SLC29A2: variants seen among roughly 807,000 people sequenced by gnomAD.
SLC29A2 encodes equilibrative nucleoside transporter 2.
A neutral mutation model predicts 48.8 loss-of-function variants in SLC29A2; 37 were observed. The observed-to-expected ratio is 0.76, with a 90% confidence interval of 0.58 to 1.00. SLC29A2 has a LOEUF of 1.00. Among genes scored for constraint, SLC29A2 ranks in the 50% least tolerant of loss-of-function variants. The pLI is 0.00. For missense variants in SLC29A2, 533 were observed against 578.6 expected, an observed-to-expected ratio of 0.92 and a Z score of 0.81; for synonymous variants, 233 against 261.7, an observed-to-expected ratio of 0.89 and a Z score of 1.06.
chr11:66,371,228 C>A lies in SLC29A2; in HGVS notation c.111+16G>T. On this transcript the variant is annotated intron_variant, in intron 2 of 11. Transcript: ENST00000357440. Reference sequence around the variant, plus strand: ...TGGCTGTGGCCACGAGGCTGCCACGCCGCCAGGAGTCTCACCGGGATGGCG... The same window carrying A: ...TGGCTGTGGCCACGAGGCTGCCACGACGCCAGGAGTCTCACCGGGATGGCG... 1 of 1,612,054 alleles carries A rather than the reference C, an allele frequency of 6.2e-7. No homozygotes were observed. The highest frequency in any genetic ancestry group is 8.5e-7 in the Non-Finnish European group (1 of 1,178,656).
At position 66,366,579 on chromosome 11, in the gene SLC29A2, G is replaced by A; in HGVS notation, c.734-15C>T. 2 of 1,612,716 alleles carry A rather than the reference G, an allele frequency of 1.2e-6. No individual in the cohort carries two copies. The highest frequency in any genetic ancestry group is 1.7e-6 in the Non-Finnish European group (2 of 1,179,798). On this transcript the variant is annotated splice_polypyrimidine_tract_variant and intron_variant, in intron 7 of 11. Transcript: ENST00000357440. ...CCCGTTCTCATCTGGGGTGAGGGGG[G>A]ACGGGGAAGGGTCATGCTTGTGACC...
chr11:66,367,532 T>G lies in SLC29A2; in HGVS notation c.665A>C (p.Tyr222Ser). The change falls in exon 7 of 12, where the codon TAC becomes TCC. Residue 222 changes from tyrosine to serine, a missense_variant. Coordinates refer to ENST00000357440, the MANE Select transcript of SLC29A2 (RefSeq NM_001532.3). ...SLPHLKFARY[Y>S]LANKSSQAQA... ...GGCCTGGGATGATTTATTGGCCAGG[T>G]AGTAGCGGGCAAACTTCTGCAGAAG... is the stretch of plus-strand genomic sequence containing the variant. The G allele has an allele frequency of 1.2e-6, 2 of 1,614,128 alleles. No homozygotes were observed. Among genetic ancestry groups the G allele is most frequent in the Non-Finnish European group, 1.7e-6 (2 of 1,180,004 alleles).
rs751502040 is a variant in SLC29A2, at chr11:66,364,243, G to A, written c.1241C>T (p.Thr414Ile). The A allele has an allele frequency of 5.0e-6, 8 of 1,612,606 alleles. 1 individual carries two copies. In the South Asian group the frequency reaches 6.6e-5, roughly 13 times the overall value. ...CCCGGACCTGGGCGCCAGGCACATG[G>A]TGAGGGACACCAGGTAGCCATTAGA... is the stretch of plus-strand genomic sequence containing the variant. ...AVSNGYLVSL[T>I]MCLAPRQVLP... The change falls in exon 11 of 12, where the codon ACC becomes ATC. Residue 414 changes from threonine to isoleucine, a missense_variant. Coordinates refer to ENST00000357440, the MANE Select transcript of SLC29A2 (RefSeq NM_001532.3).
intron 7 of SLC29A2, among the ~76,000 whole-genome samples, chr11:66,366,908 A>G (rs915918816): frequency 2.0e-5 from 3 of 152,176 alleles, no homozygotes; most frequent in Non-Finnish European, 4.4e-5. Flanking sequence ...ATAGCACTGC[A>G]GTGCAGCCTA....
At chr11:66,369,662 C>A in intron 2 of SLC29A2, 130 bp from the exon 3 acceptor site, 1 of 1,077,490 alleles carries the variant, frequency 9.3e-7, no homozygotes, top group Non-Finnish European at 1.4e-6. Context: ...TTCCCAGCAG[C>A]CGGCACACAG....
chr11:66,363,966 A>G (rs1855515891), intron 11 of SLC29A2, among the ~76,000 whole-genome samples: 1 of 151,670 alleles, frequency 6.6e-6, no homozygotes, highest in Non-Finnish European at 1.5e-5. Context: ...TTTTTTACAG[A>G]TGGGGAAACT....
In SLC29A2 at chr11:66,363,398, G is replaced by A. The variant is rs765488621; in HGVS notation, c.*38C>T. Reference sequence around the variant, plus strand: ...CTGGATCTCAGCTCCGGAAGGAGACGTCGAGAAGAGGCTGCCAAAGAGCCT... The same window carrying A: ...CTGGATCTCAGCTCCGGAAGGAGACATCGAGAAGAGGCTGCCAAAGAGCCT... On this transcript the variant is annotated 3_prime_UTR_variant, in exon 12 of 12. Transcript: ENST00000357440. 35 of 1,501,204 alleles carry A rather than the reference G, an allele frequency of 2.3e-5. No individual in the cohort carries two copies. The East Asian group carries it at 2.7e-4, about 12-fold the overall frequency. The allele number at this position is 1,501,204 out of a possible 1,614,324, so 93.0% of individuals were successfully genotyped here.
At chr11:66,370,469 A>G (rs938847511) in intron 2 of SLC29A2, among the ~76,000 whole-genome samples, 2 of 152,212 alleles carry the variant, frequency 1.3e-5, no homozygotes, top group African/African-American at 2.4e-5. Context: ...CCCAAAGACA[A>G]TGCAAACCCC....
At chr11:66,372,402 C>A (rs1856109173), upstream of SLC29A2, among the ~76,000 whole-genome samples, 1 of 152,238 alleles carries the variant, frequency 6.6e-6, no homozygotes. Context: ...AATCCCCGGG[C>A]GTATCGGGGA....
intron 1 of SLC29A2, 26 bp downstream of exon 1, chr11:66,371,537 C>T: frequency 6.5e-7 from 1 of 1,550,192 alleles, no homozygotes. Context: ...CCCCCGGCCA[C>T]TTGCAACGCA....
Position 66,368,012 on chromosome 11 carries a change from G to A in SLC29A2, c.551-143C>T, listed in dbSNP as rs375165097. On this transcript the variant is annotated intron_variant, in intron 5 of 11. Coordinates refer to ENST00000357440, the MANE Select transcript of SLC29A2 (RefSeq NM_001532.3). ...CGCTCCTCCCTTCACTGACAAATGG[G>A]AATCTTGTACAGGGCCCCAGAGCAG... The A allele has an allele frequency of 1.9e-4, 135 of 724,836 alleles. No individual in the cohort carries two copies. In the Middle Eastern group the frequency reaches 2.5e-3, roughly 14 times the overall value. The allele number at this position is 724,836 out of a possible 1,614,324, so 44.9% of individuals were successfully genotyped here. A position where few individuals can be genotyped will look rare whatever the true frequency, so the allele number is the denominator to read the frequency against.
intron 7 of SLC29A2, among the ~76,000 whole-genome samples, chr11:66,367,070 C>T (rs1024994211): frequency 1.7e-4 from 26 of 152,136 alleles, no homozygotes; most frequent in African/African-American, 5.6e-4. Context: ...GTGCATGGGT[C>T]GGGTGATGAG....
intron 11 of SLC29A2, among the ~76,000 whole-genome samples, chr11:66,363,913 T>A (rs1325618142): frequency 6.6e-6 from 1 of 151,986 alleles, no homozygotes; most frequent in Non-Finnish European, 1.5e-5. Flanking sequence ...ACTGAGAATT[T>A]TACAGTTAGA....
At chr11:66,368,717 CAG>C (rs1190001448) in intron 4 of SLC29A2, 46 bp from the exon 5 acceptor site, 1 of 1,571,534 alleles carries the variant, frequency 6.4e-7, no homozygotes, top group East Asian at 2.3e-5. Context: ...AGGCAAGACT[CAG>C]AGGCTCCCTG....
chr11:66,368,764 G>GCCGGCAGGAT, intron 4 of SLC29A2, 93 bp from the exon 5 acceptor site: 1 of 1,516,936 alleles, frequency 6.6e-7, no homozygotes, highest in Non-Finnish European at 8.9e-7. Flanking sequence ...GGGGACTCTG[G>GCCGGCAGGAT]ACAAGGTTGC....
chr11:66,371,682 G>T lies in SLC29A2; in HGVS notation c.-91C>A, dbSNP rs374160771. On this transcript the variant is annotated 5_prime_UTR_variant, in exon 1 of 12. Coordinates refer to ENST00000357440, the MANE Select transcript of SLC29A2 (RefSeq NM_001532.3). ...GCGGAGGGCCGCAGACCGGTGGGGCGGGGGGCGGGTCTCCCCAGATTCCGG... is the reference window on the plus strand; with the variant it reads ...GCGGAGGGCCGCAGACCGGTGGGGCTGGGGGCGGGTCTCCCCAGATTCCGG... The T allele has an allele frequency of 1.7e-5, 22 of 1,313,576 alleles. No homozygotes were observed. The highest frequency in any genetic ancestry group is 2.5e-4 in the Middle Eastern group (1 of 3,946). 81.4% of individuals were successfully genotyped at this position (1,313,576 alleles called of 1,614,324 possible).
intron 4 of SLC29A2, 143 bp from the exon 5 acceptor site, chr11:66,368,814 G>T (rs1326759747): frequency 8.4e-7 from 1 of 1,189,336 alleles, no homozygotes; most frequent in Non-Finnish European, 1.2e-6. Context: ...GCACTCGGGG[G>T]CAACACCCGC....
At chr11:66,369,306 CA>C (rs1855893309) in intron 3 of SLC29A2, 62 bp downstream of exon 3, 1 of 1,607,428 alleles carries the variant, frequency 6.2e-7, no homozygotes, top group South Asian at 1.1e-5. Context: ...GCAGGGGGCG[CA>C]GGGGAGGGCC....
rs758236436 is a variant in SLC29A2 at position 66,371,643 on chromosome 11, G to C, written c.-52C>G. The C allele has an allele frequency of 1.3e-6, 2 of 1,527,262 alleles. No individual in the cohort carries two copies. The highest frequency in any genetic ancestry group is 1.8e-6 in the Non-Finnish European group (2 of 1,139,156). 94.6% of individuals were successfully genotyped at this position (1,527,262 alleles called of 1,614,324 possible). On this transcript the variant is annotated 5_prime_UTR_variant, in exon 1 of 12. Coordinates refer to ENST00000357440, the MANE Select transcript of SLC29A2 (RefSeq NM_001532.3). ...TGAAAGGGGCAGAGAAGCCGCACCTGCACCTGCGCTGGGGCGGAGGGCCGC... is the reference window on the plus strand; with the variant it reads ...TGAAAGGGGCAGAGAAGCCGCACCTCCACCTGCGCTGGGGCGGAGGGCCGC...
Sources: allele counts gnomAD v4.1 joint callset (sites outside exome capture counted in the v4.1 genomes callset), GRCh38; gene constraint gnomAD v4.1.1; transcripts MANE v1.5; gene names NCBI Gene and HGNC (gene_info 2026-07-23, HGNC 2026-07-21).